SYTL3: variants seen among roughly 807,000 people sequenced by gnomAD.
SYTL3 encodes the protein synaptotagmin-like protein 3.
In SYTL3, 88 loss-of-function variants were observed where a neutral mutation model predicts 82.1. The ratio of observed to expected loss-of-function variants is 1.07; its 90% confidence interval spans 0.90 to 1.28. The LOEUF is 1.28. Among genes scored for constraint, SYTL3 ranks in the 50% most tolerant of loss-of-function variants. The pLI, the probability that SYTL3 is intolerant of heterozygous loss-of-function variation, is 0.00. For missense variants in SYTL3, 831 were observed against 757.6 expected (o/e 1.10, Z -1.14); for synonymous variants, 311 against 289.4 (o/e 1.07, Z -0.76).
At chr6:158,699,553 C>T (rs551817379) in intron 6 of SYTL3, among the ~76,000 whole-genome samples, 12 of 152,282 alleles carry the variant, frequency 7.9e-5, no homozygotes, top group African/African-American at 2.2e-4. Context: ...TCTTACTCCC[C>T]GCTGCCTCAA....
At chr6:158,693,005 AGTGCCCTGCCTGCCTCTCCT>A (rs1275445495) in intron 6 of SYTL3, among the ~76,000 whole-genome samples, 2 of 152,020 alleles carry the variant, frequency 1.3e-5, no homozygotes, top group East Asian at 3.9e-4. Flanking sequence ...ACTCTATCCC[AGTGCCCTGCCTGCCTCTCCT>A]CTCCGTTGGT....
intron 2 of SYTL3, among the ~76,000 whole-genome samples, chr6:158,656,019 G>C (rs1463527681): frequency 6.6e-6 from 1 of 152,210 alleles, no homozygotes; most frequent in Non-Finnish European, 1.5e-5. Context: ...TGGGAACTGA[G>C]GATGGAGGAG....
At chr6:158,666,474 A>C (rs1227928137) in intron 5 of SYTL3, among the ~76,000 whole-genome samples, 2 of 152,218 alleles carry the variant, frequency 1.3e-5, no homozygotes, top group East Asian at 3.9e-4. Flanking sequence ...GTTCAAAGCA[A>C]GAATGAACTG....
At chr6:158,745,454 A>C in intron 11 of SYTL3, 26 bp from the exon 12 acceptor site, 1 of 1,586,430 alleles carries the variant, frequency 6.3e-7, no homozygotes, top group Non-Finnish European at 8.6e-7. Flanking sequence ...GAAGTAACTT[A>C]TTATATCTGT....
rs1291340388 is a variant in SYTL3 at position 158,715,613 on chromosome 6, A to ACACACACACACACACACACACACACACG, written c.595+1738_595+1739insACACACACACACACACACACACACGCAC. 3.5e-3 allele frequency among the ~76,000 whole-genome samples: 490 copies of ACACACACACACACACACACACACACACG among 141,866 alleles called. 5 individuals are homozygous for ACACACACACACACACACACACACACACG. Among genetic ancestry groups the ACACACACACACACACACACACACACACG allele is most frequent in the African/African-American group, 0.011 (416 of 37,186 alleles). The allele number at this position is 141,866 out of a possible 152,430, so 93.1% of individuals were successfully genotyped here. A position where few individuals can be genotyped will look rare whatever the true frequency, so the allele number is the denominator to read the frequency against. ...CTGAAACCGCATCACACACACACAC[A>ACACACACACACACACACACACACACACG]CACGCACGCACCCAGCACCCCCCAT... On this transcript the variant is annotated intron_variant, in intron 9 of 17. Coordinates refer to ENST00000611299, the MANE Select transcript of SYTL3 (RefSeq NM_001242394.2).
chr6:158,722,760 C>CTTTTT (rs1179616890), intron 10 of SYTL3, among the ~76,000 whole-genome samples: 2 of 89,184 alleles, frequency 2.2e-5, no homozygotes, highest in African/African-American at 1.1e-4. Context: ...TCTCTCTTTT[C>CTTTTT]TGTTTTTTTT....
At chr6:158,759,171 A>C (rs1341963168) in intron 14 of SYTL3, among the ~76,000 whole-genome samples, 1 of 152,170 alleles carries the variant, frequency 6.6e-6, no homozygotes, top group African/African-American at 2.4e-5. Context: ...CATCAGACTG[A>C]GCCTGCTCTG....
rs79480749 is a variant in SYTL3, at chr6:158,685,074, G to A, written c.394+2085G>A. On this transcript the variant is annotated intron_variant, in intron 6 of 17. Transcript: ENST00000611299. Reference sequence around the variant, plus strand: ...TGAGGCCTTTTGGAGAGCCACAGACGGTTGAAATAGGTAAGATTTGCTACC... The same window carrying A: ...TGAGGCCTTTTGGAGAGCCACAGACAGTTGAAATAGGTAAGATTTGCTACC... Among the ~76,000 whole-genome samples, 869 of 152,212 alleles carry A rather than the reference G, an allele frequency of 5.7e-3. 9 individuals are homozygous for A. Among genetic ancestry groups the A allele is most frequent in the African/African-American group, 0.02 (828 of 41,540 alleles).
intron 6 of SYTL3, among the ~76,000 whole-genome samples, chr6:158,693,850 C>CTTTTTTT (rs1357595960): frequency 2.1e-4 from 12 of 58,438 alleles, no homozygotes; most frequent in Non-Finnish European, 3.1e-4. Flanking sequence ...CTTTCTTTTT[C>CTTTTTTT]TTTTCTTTTT....
At chr6:158,664,905 TA>T (rs11442844) in intron 4 of SYTL3, among the ~76,000 whole-genome samples, 70 of 150,374 alleles carry the variant, frequency 4.7e-4, no homozygotes, top group African/African-American at 1.4e-3. Context: ...GACCACTTAT[TA>T]AAAAAAAAAT....
At chr6:158,674,658 C>T (rs889966217) in intron 5 of SYTL3, among the ~76,000 whole-genome samples, 1 of 152,162 alleles carries the variant, frequency 6.6e-6, no homozygotes, top group Non-Finnish European at 1.5e-5. Context: ...AGCATCTAAC[C>T]GTTTTTATTG....
At chr6:158,658,690 C>G (rs566446117) in intron 2 of SYTL3, among the ~76,000 whole-genome samples, 8 of 152,152 alleles carry the variant, frequency 5.3e-5, no homozygotes, top group African/African-American at 1.9e-4. Flanking sequence ...TTTGGGAGGT[C>G]GAGGTGGGAG....
chr6:158,714,768 C>G (rs1157701313), intron 9 of SYTL3, among the ~76,000 whole-genome samples: 1 of 152,168 alleles, frequency 6.6e-6, no homozygotes, highest in East Asian at 1.9e-4. Context: ...TCATCATCCC[C>G]TTTTCTGTAG....
chr6:158,656,463 C>A (rs755871540), intron 2 of SYTL3, among the ~76,000 whole-genome samples: 86 of 152,324 alleles, frequency 5.6e-4, no homozygotes, highest in Non-Finnish European at 1.1e-3. Context: ...CGATGGCTCA[C>A]GCCTGTAATC....
At chr6:158,699,940 C>T (rs1269148373) in intron 6 of SYTL3, among the ~76,000 whole-genome samples, 1 of 139,924 alleles carries the variant, frequency 7.1e-6, no homozygotes, top group Non-Finnish European at 1.5e-5. Context: ...GAGTGAGATT[C>T]TGTCTCAAAA....
chr6:158,699,147 T>C (rs1258434752), intron 6 of SYTL3, among the ~76,000 whole-genome samples: 1 of 152,154 alleles, frequency 6.6e-6, no homozygotes, highest in Non-Finnish European at 1.5e-5. Context: ...GATGATGCAG[T>C]TCAGGACCTG....
At chr6:158,680,324 G>C (rs1367657741) in intron 5 of SYTL3, among the ~76,000 whole-genome samples, 1 of 152,172 alleles carries the variant, frequency 6.6e-6, no homozygotes, top group Non-Finnish European at 1.5e-5. Context: ...GTTGATGTAG[G>C]GGATTAGATA....
At chr6:158,668,140 C>T (rs1583167513) in intron 5 of SYTL3, among the ~76,000 whole-genome samples, 1 of 152,212 alleles carries the variant, frequency 6.6e-6, no homozygotes, top group Non-Finnish European at 1.5e-5. Context: ...AAGATGGCAA[C>T]CCAGGTCCCC....
chr6:158,730,311 C>T (rs1232013830), intron 11 of SYTL3, among the ~76,000 whole-genome samples: 5 of 152,242 alleles, frequency 3.3e-5, no homozygotes, highest in Non-Finnish European at 7.3e-5. Context: ...TTGCTTCCCT[C>T]CATTGTTCAG....
Sources: gnomAD v4.1 joint callset for allele counts (sites outside exome capture counted in the v4.1 genomes callset) on GRCh38, gnomAD v4.1.1 for gene constraint, MANE v1.5 for transcripts, NCBI Gene and HGNC (gene_info 2026-07-23, HGNC 2026-07-21) for gene names.